YAF2: variants seen among roughly 807,000 people sequenced by gnomAD.
YAF2 encodes YY1-associated factor 2.
Under a neutral mutation model 20.1 loss-of-function variants are expected in YAF2, and 7 were observed. The ratio of observed to expected loss-of-function variants is 0.35; its 90% CI spans 0.20 to 0.65. The LOEUF (loss-of-function observed/expected upper bound fraction) is 0.65. YAF2 is among the 30% of genes least tolerant of loss of function. The pLI, the probability that YAF2 is intolerant of heterozygous loss-of-function variation, is 0.69. For synonymous variants in YAF2, 74 were observed against 76.0 expected, an observed-to-expected ratio of 0.97 and a Z score of 0.14; for missense variants, 151 against 219.2, an observed-to-expected ratio of 0.69 and a Z score of 1.96.
At chr12:42,224,057 A>G (rs1705050496) in intron 2 of YAF2, among the ~76,000 whole-genome samples, 1 of 152,160 alleles carries the variant, frequency 6.6e-6, no homozygotes, top group Non-Finnish European at 1.5e-5. Context: ...AAATAAATAA[A>G]TAATAATGGC....
chr12:42,193,289 T>TG (rs2066663689), intron 2 of YAF2, among the ~76,000 whole-genome samples: 1 of 146,916 alleles, frequency 6.8e-6, no homozygotes, highest in South Asian at 2.2e-4. Flanking sequence ...CACCCCAGCC[T>TG]GGGCGACAGA....
chr12:42,234,792 A>T (rs769403273), intron 2 of YAF2: 18 of 866,646 alleles, frequency 2.1e-5, no homozygotes, highest in Non-Finnish European at 2.5e-5. Context: ...GTTTGAGACT[A>T]GCCTAGGCAA....
chr12:42,227,961 G>T (rs1262717887), intron 2 of YAF2, among the ~76,000 whole-genome samples: 2 of 143,954 alleles, frequency 1.4e-5, no homozygotes, highest in Admixed American at 6.7e-5. Flanking sequence ...CACCCTGTCC[G>T]GGAGGGAGGT....
At chr12:42,213,417 T>A (rs1436658393) in intron 2 of YAF2, among the ~76,000 whole-genome samples, 1 of 152,264 alleles carries the variant, frequency 6.6e-6, no homozygotes. Context: ...TAAATTAATC[T>A]GACCAGATTT....
intron 2 of YAF2, among the ~76,000 whole-genome samples, chr12:42,181,992 A>G (rs1163597361): frequency 2.0e-5 from 3 of 152,128 alleles, no homozygotes; most frequent in African/African-American, 7.2e-5. Flanking sequence ...CTTTTTTCAA[A>G]TAGTGGCATG....
intron 3 of YAF2, 185 bp downstream of exon 3, chr12:42,161,428 G>C (rs2065797812): frequency 5.8e-6 from 3 of 521,088 alleles, no homozygotes; most frequent in Non-Finnish European, 9.1e-6. Flanking sequence ...ATTTAAGCTT[G>C]TATTTCTGGC....
chr12:42,222,735 G>A (rs1317584073), intron 2 of YAF2, among the ~76,000 whole-genome samples: 3 of 151,984 alleles, frequency 2.0e-5, no homozygotes, highest in Non-Finnish European at 2.9e-5. Context: ...GGCAATGATC[G>A]CCAGCATGAT....
chr12:42,206,813 G>T (rs2067057398), intron 2 of YAF2, among the ~76,000 whole-genome samples: 1 of 152,028 alleles, frequency 6.6e-6, no homozygotes, highest in East Asian at 1.9e-4. Flanking sequence ...TCCCATTTTA[G>T]AATTGGAGAA....
intron 2 of YAF2, among the ~76,000 whole-genome samples, chr12:42,171,343 C>T (rs1369281273): frequency 2.0e-5 from 3 of 151,986 alleles, no homozygotes; most frequent in Non-Finnish European, 4.4e-5. Context: ...AATGTACTAT[C>T]CAGGCATAGT....
intron 2 of YAF2, among the ~76,000 whole-genome samples, chr12:42,178,866 T>C (rs1364723469): frequency 6.6e-6 from 1 of 152,060 alleles, no homozygotes; most frequent in Non-Finnish European, 1.5e-5. Context: ...GGCGACATAT[T>C]GGAATCATCT....
chr12:42,221,005 A>G (rs1275015534), intron 2 of YAF2, among the ~76,000 whole-genome samples: 1 of 152,228 alleles, frequency 6.6e-6, no homozygotes. Context: ...TATAAAAGAC[A>G]TAAAAATGAA....
chr12:42,178,826 A>T (rs2066264336), intron 2 of YAF2, among the ~76,000 whole-genome samples: 1 of 152,158 alleles, frequency 6.6e-6, no homozygotes, highest in Non-Finnish European at 1.5e-5. Context: ...TTTATTAAGA[A>T]CCACTTAAAT....
intron 2 of YAF2, among the ~76,000 whole-genome samples, chr12:42,174,177 A>G (rs1490615648): frequency 6.6e-6 from 1 of 150,620 alleles, no homozygotes. Context: ...TTTCCATGAC[A>G]CCTCAAAAAA....
chr12:42,173,211 C>T (rs2137006526), intron 2 of YAF2, among the ~76,000 whole-genome samples: 1 of 152,264 alleles, frequency 6.6e-6, no homozygotes, highest in South Asian at 2.1e-4. Flanking sequence ...TCTTTCTCAG[C>T]CTCTTGAGCA....
chr12:42,221,497 T>G (rs2137305049), intron 2 of YAF2, among the ~76,000 whole-genome samples: 1 of 152,254 alleles, frequency 6.6e-6, no homozygotes, highest in South Asian at 2.1e-4. Flanking sequence ...AGTTTGAAGT[T>G]ATAGTAAGCT....
intron 2 of YAF2, chr12:42,235,527 G>C (rs1014751229): frequency 7.6e-7 from 1 of 1,324,160 alleles, no homozygotes; most frequent in Non-Finnish European, 9.7e-7. Context: ...AGAGCTCTTA[G>C]GTTTAACTTA....
In YAF2 at chr12:42,157,815, G is replaced by C. The variant is rs1168620325; in HGVS notation, c.*2774C>G. 1 of 151,046 alleles carries C rather than the reference G, an allele frequency of 6.6e-6. No homozygotes were observed. Among genetic ancestry groups the C allele is most frequent in the Non-Finnish European group, 1.5e-5 (1 of 67,840 alleles). The allele number at this position is 151,046 out of a possible 1,614,324, so 9.4% of individuals were successfully genotyped here. A position where few individuals can be genotyped will look rare whatever the true frequency, so the allele number is the denominator to read the frequency against. ...ATATGTATATTCAAATTTTTTCATA[G>C]AGATGAGCTTTCACCATGTTGCCCA... On this transcript the variant is annotated 3_prime_UTR_variant, in exon 4 of 4. Transcript: ENST00000534854.
intron 2 of YAF2, among the ~76,000 whole-genome samples, chr12:42,201,595 CTGT>C (rs1263760564): frequency 6.6e-6 from 1 of 151,838 alleles, no homozygotes; most frequent in Non-Finnish European, 1.5e-5. Flanking sequence ...GTTGCTGTTG[CTGT>C]TGTTGTTGTT....
chr12:42,210,119 G>A (rs928547008), intron 2 of YAF2, among the ~76,000 whole-genome samples: 2 of 152,068 alleles, frequency 1.3e-5, no homozygotes, highest in Non-Finnish European at 2.9e-5. Context: ...TAATTTTTTA[G>A]AAGCAGCTAT....
Sources: allele counts gnomAD v4.1 joint callset (sites outside exome capture counted in the v4.1 genomes callset), GRCh38; gene constraint gnomAD v4.1.1; transcripts MANE v1.5; gene names NCBI Gene and HGNC (gene_info 2026-07-23, HGNC 2026-07-21).